IGFBP7: variants seen among roughly 807,000 people sequenced by gnomAD.
The protein encoded by IGFBP7 is insulin-like growth factor-binding protein 7.
Under a neutral mutation model 29.4 loss-of-function variants are expected in IGFBP7, and 31 were observed. The ratio of observed to expected loss-of-function variants is 1.05; its 90% CI spans 0.79 to 1.42. IGFBP7 has a LOEUF of 1.42. Ranked by LOEUF, IGFBP7 falls within the 40% of genes most tolerant of loss-of-function variation. IGFBP7 has a pLI of 0.00. For missense variants in IGFBP7, 393 were observed against 395.5 expected, an observed-to-expected ratio of 0.99 and a Z score of 0.05; for synonymous variants, 172 against 174.9, an observed-to-expected ratio of 0.98 and a Z score of 0.13.
Position 57,039,643 on chromosome 4 carries a change from CTT to C in IGFBP7, c.585+1179_585+1180del, listed in dbSNP as rs10716496. On this transcript the variant is annotated intron_variant, in intron 2 of 4. Transcript: ENST00000295666. ...CCACCCTGGCTAAGGAATTCACACT[CTT>C]TTTTTTTTTTTTTTTTTTGAGACAG... Among the ~76,000 whole-genome samples, 381 of 128,634 alleles carry C rather than the reference CTT, an allele frequency of 3.0e-3. 5 individuals are homozygous for C. The highest frequency in any genetic ancestry group is 7.8e-3 in the African/African-American group (262 of 33,510). The allele number at this position is 128,634 out of a possible 152,430, so 84.4% of individuals were successfully genotyped here. A position where few individuals can be genotyped will look rare whatever the true frequency, so the allele number is the denominator to read the frequency against.
chr4:57,073,050 C>G, intron 1 of IGFBP7: 1 of 1,368,562 alleles, frequency 7.3e-7, no homozygotes, highest in East Asian at 2.3e-5. Context: ...AGGCATGCTG[C>G]CAAGCTCTGG....
intron 1 of IGFBP7, among the ~76,000 whole-genome samples, chr4:57,069,075 C>A (rs1405248601): frequency 1.3e-5 from 2 of 152,074 alleles, no homozygotes; most frequent in African/African-American, 4.8e-5. Context: ...GGTTGAATCA[C>A]CAGTTTGAAC....
chr4:57,043,912 C>T (rs998245897), intron 1 of IGFBP7, among the ~76,000 whole-genome samples: 3 of 152,228 alleles, frequency 2.0e-5, no homozygotes, highest in African/African-American at 4.8e-5. Flanking sequence ...ACCACAGAGC[C>T]GGATCTGGCT....
intron 1 of IGFBP7, among the ~76,000 whole-genome samples, chr4:57,075,199 G>C (rs1350628733): frequency 6.6e-6 from 1 of 152,068 alleles, no homozygotes; most frequent in East Asian, 1.9e-4. Context: ...TCCTTATTAG[G>C]ATCATTTCAG....
At chr4:57,055,451 GA>G (rs1458127098) in intron 1 of IGFBP7, among the ~76,000 whole-genome samples, 2 of 152,216 alleles carry the variant, frequency 1.3e-5, no homozygotes, top group Admixed American at 1.3e-4. Flanking sequence ...GAAAGGAGGA[GA>G]GGGGGACAGA....
intron 1 of IGFBP7, among the ~76,000 whole-genome samples, chr4:57,043,512 A>G (rs189006505): frequency 6.6e-6 from 1 of 152,146 alleles, no homozygotes; most frequent in Non-Finnish European, 1.5e-5. Context: ...CACAATATTA[A>G]TTTCTTGAAA....
At chr4:57,080,556 T>C (rs903788213) in intron 1 of IGFBP7, among the ~76,000 whole-genome samples, 36 of 152,104 alleles carry the variant, frequency 2.4e-4, no homozygotes, top group African/African-American at 8.7e-4. Flanking sequence ...TGAGACAGGA[T>C]CTCACTTTTC....
chr4:57,035,549 C>T (rs1415804909), intron 2 of IGFBP7, among the ~76,000 whole-genome samples: 3 of 152,160 alleles, frequency 2.0e-5, no homozygotes, highest in Non-Finnish European at 2.9e-5. Context: ...CTGCCTCCGC[C>T]TCCGGGATTC....
intron 3 of IGFBP7, among the ~76,000 whole-genome samples, 184 bp from the exon 4 acceptor site, chr4:57,032,736 G>T (rs1723968510): frequency 6.6e-6 from 1 of 152,158 alleles, no homozygotes; most frequent in Non-Finnish European, 1.5e-5. Context: ...GGTTTGCTGA[G>T]GATTCATATG....
chr4:57,041,069 A>G (rs549534267), intron 1 of IGFBP7, 136 bp from the exon 2 acceptor site: 1 of 682,808 alleles, frequency 1.5e-6, no homozygotes, highest in Non-Finnish European at 2.7e-6. Flanking sequence ...TTCAAAGACC[A>G]CACTGGCTTC....
At chr4:57,067,925 C>G (rs17761305) in intron 1 of IGFBP7, among the ~76,000 whole-genome samples, 3 of 151,866 alleles carry the variant, frequency 2.0e-5, no homozygotes, top group Admixed American at 2.0e-4. Context: ...GATAGGGTAG[C>G]GAAAAATGTG....
At chr4:57,046,258 T>G (rs1206382422) in intron 1 of IGFBP7, among the ~76,000 whole-genome samples, 2 of 152,058 alleles carry the variant, frequency 1.3e-5, no homozygotes, top group African/African-American at 4.8e-5. Context: ...CACATTCCAT[T>G]GATCAGCAAT....
chr4:57,073,016 C>T, intron 1 of IGFBP7: 1 of 1,096,960 alleles, frequency 9.1e-7, no homozygotes, highest in East Asian at 2.4e-5. Flanking sequence ...TCGAGGCAAA[C>T]CCAACATTGA....
chr4:57,049,512 A>C (rs757542854), intron 1 of IGFBP7, among the ~76,000 whole-genome samples: 2 of 152,008 alleles, frequency 1.3e-5, no homozygotes, highest in Admixed American at 6.5e-5. Context: ...GCCCTTACCT[A>C]CTTGGAATAT....
At chr4:57,097,012 T>C (rs1725778550) in intron 1 of IGFBP7, among the ~76,000 whole-genome samples, 1 of 152,226 alleles carries the variant, frequency 6.6e-6, no homozygotes, top group African/African-American at 2.4e-5. Context: ...TGTGCTCTTT[T>C]TCTGCCAAAC....
chr4:57,107,800 G>C (rs1726070983), intron 1 of IGFBP7, among the ~76,000 whole-genome samples: 1 of 152,234 alleles, frequency 6.6e-6, no homozygotes, highest in African/African-American at 2.4e-5. Flanking sequence ...ACTGAGCTGG[G>C]TGTACATGGT....
At chr4:57,081,381 C>G (rs977870170) in intron 1 of IGFBP7, among the ~76,000 whole-genome samples, 1 of 152,048 alleles carries the variant, frequency 6.6e-6, no homozygotes, top group Non-Finnish European at 1.5e-5. Context: ...AGATTTACCC[C>G]CCACCAGCCC....
rs141385809 is a variant in IGFBP7, at chr4:57,096,505, T to A, written c.475+13372A>T. Among the ~76,000 whole-genome samples the A allele has an allele frequency of 3.8e-3, 582 of 152,068 alleles. 5 individuals are homozygous for A. The highest frequency in any genetic ancestry group is 0.013 in the African/African-American group (548 of 41,470). ...CACATCCAAACCAATTAAATGAGAATCTTGGAGTGGAACTCAGGCATCAGC... is the reference window on the plus strand; with the variant it reads ...CACATCCAAACCAATTAAATGAGAAACTTGGAGTGGAACTCAGGCATCAGC... On this transcript the variant is annotated intron_variant, in intron 1 of 4. Coordinates refer to ENST00000295666, the MANE Select transcript of IGFBP7 (RefSeq NM_001553.3).
At chr4:57,055,540 A>G (rs1713963) in intron 1 of IGFBP7, among the ~76,000 whole-genome samples, 90,295 of 151,852 alleles carry the variant, frequency 0.59, 27,936 homozygotes, top group Middle Eastern at 0.78. Flanking sequence ...GTATTCACGG[A>G]GAATTGAGAA....
Sources: allele counts gnomAD v4.1 joint callset (sites outside exome capture counted in the v4.1 genomes callset), GRCh38; gene constraint gnomAD v4.1.1; transcripts MANE v1.5; gene names NCBI Gene and HGNC (gene_info 2026-07-23, HGNC 2026-07-21).